The following DRC12 variants were observed in gnomAD, a reference collection of about 807,000 sequenced individuals.
DRC12 encodes the protein dynein regulatory complex protein 12.
the DRC12 span, chr11:119,193,670 A>C: frequency 6.6e-7 from 1 of 1,510,168 alleles, no homozygotes; most frequent in Non-Finnish European, 8.9e-7. Context: ...GGCAGTCGGA[A>C]GCCCTCCTTG....
At chr11:119,195,412 A>ACCATGACT in the DRC12 span, 1 of 1,550,366 alleles carries the variant, frequency 6.5e-7, no homozygotes, top group South Asian at 1.2e-5. Context: ...ACCTCCACCC[A>ACCATGACT]CCATGACTCA....
At chr11:119,191,952 G>A in the DRC12 span, among the ~76,000 whole-genome samples, 1 of 151,166 alleles carries the variant, frequency 6.6e-6, no homozygotes, top group Non-Finnish European at 1.5e-5. Flanking sequence ...AGCAGCTCCT[G>A]GCCATCTATA....
At chr11:119,193,021 G>GA in the DRC12 span, 4 of 791,882 alleles carry the variant, frequency 5.1e-6, no homozygotes, top group South Asian at 1.5e-5. Flanking sequence ...GAGGGTCAGC[G>GA]AAAGTGGGGA....
the DRC12 span, among the ~76,000 whole-genome samples, chr11:119,194,205 T>C: frequency 1.3e-5 from 2 of 151,546 alleles, no homozygotes; most frequent in Admixed American, 6.6e-5. Context: ...GGCAACAGAG[T>C]GAGACCTTGT....
At chr11:119,194,741 A>C in the DRC12 span, among the ~76,000 whole-genome samples, 9 of 127,270 alleles carry the variant, frequency 7.1e-5, no homozygotes, top group East Asian at 2.3e-4. Flanking sequence ...AACAAACAAA[A>C]AAAACACCTT....
the DRC12 span, chr11:119,195,252 C>A: frequency 1.5e-6 from 1 of 664,488 alleles, no homozygotes; most frequent in Non-Finnish European, 2.6e-6. Context: ...CGTGGGTGAC[C>A]ATTTCCCCAC....
At chr11:119,195,835 G>A in the DRC12 span, 1 of 211,670 alleles carries the variant, frequency 4.7e-6, no homozygotes. Context: ...GGGGCTCCCC[G>A]TGGAGTGACC....
the DRC12 span, among the ~76,000 whole-genome samples, chr11:119,191,977 C>CT: frequency 8.1e-4 from 111 of 137,332 alleles, no homozygotes; most frequent in Admixed American, 1.2e-3. Context: ...AACCGAAGGC[C>CT]TTTTTTTTTT....
chr11:119,194,438 T>G, the DRC12 span, among the ~76,000 whole-genome samples: 1 of 126,928 alleles, frequency 7.9e-6, no homozygotes, highest in African/African-American at 3.0e-5. Context: ...CGCTTGAACC[T>G]GGGAGGCAGA....
chr11:119,193,987 G>A, the DRC12 span: 1 of 1,205,570 alleles, frequency 8.3e-7, no homozygotes, highest in Non-Finnish European at 1.2e-6. Flanking sequence ...TCTGGTGGTG[G>A]GGTGTCCAGC....
At chr11:119,194,956 C>A in the DRC12 span, 1 of 1,551,598 alleles carries the variant, frequency 6.4e-7, no homozygotes, top group South Asian at 1.2e-5. Context: ...TTCTCCAGCA[C>A]CACCAGCCTG....
chr11:119,191,920 C>T, the DRC12 span, among the ~76,000 whole-genome samples: 2 of 151,494 alleles, frequency 1.3e-5, no homozygotes, highest in East Asian at 3.9e-4. Context: ...AGGAAAGGAA[C>T]CCAGAGTCTG....
chr11:119,193,575 C>G, the DRC12 span: 1 of 1,434,244 alleles, frequency 7.0e-7, no homozygotes, highest in Non-Finnish European at 9.1e-7. Context: ...AGGCCCCTGC[C>G]TGGGATCCCA....
chr11:119,195,277 G>A, the DRC12 span: 1 of 736,430 alleles, frequency 1.4e-6, no homozygotes, highest in Non-Finnish European at 2.3e-6. Context: ...TCAGCTCCCT[G>A]GATCTGGCTG....
chr11:119,193,153 A>G, the DRC12 span: 1 of 1,613,810 alleles, frequency 6.2e-7, no homozygotes, highest in Non-Finnish European at 8.5e-7. Context: ...AAACCTACCT[A>G]GCTGCCCCCG....
chr11:119,194,563 C>T, the DRC12 span, among the ~76,000 whole-genome samples: 1 of 131,100 alleles, frequency 7.6e-6, no homozygotes, highest in African/African-American at 3.0e-5. Flanking sequence ...ATAAAGTAGC[C>T]AGGCATGGTG....
chr11:119,195,584 A>G, the DRC12 span: 7 of 985,576 alleles, frequency 7.1e-6, no homozygotes, highest in Non-Finnish European at 9.3e-6. Context: ...GACTCTCCTG[A>G]GTCCAAATTT....
the DRC12 span, chr11:119,195,295 A>G: frequency 2.4e-6 from 2 of 827,218 alleles, no homozygotes; most frequent in Non-Finnish European, 3.8e-6. Flanking sequence ...CTGTGAGGAC[A>G]TGAAAGAGGT....
the DRC12 span, among the ~76,000 whole-genome samples, chr11:119,192,928 G>C: frequency 6.6e-6 from 1 of 152,214 alleles, no homozygotes; most frequent in Non-Finnish European, 1.5e-5. Flanking sequence ...TTACAGGCCT[G>C]AGCCACCGCG....
Sources: gnomAD v4.1 joint callset for allele counts (sites outside exome capture counted in the v4.1 genomes callset) on GRCh38, gnomAD v4.1.1 for gene constraint, MANE v1.5 for transcripts, NCBI Gene and HGNC (gene_info 2026-07-23, HGNC 2026-07-21) for gene names.